FOXP1: variants seen among roughly 807,000 people sequenced by gnomAD.
FOXP1 encodes the protein forkhead box protein P1.
A neutral mutation model predicts 98.2 loss-of-function variants in FOXP1; 15 were observed. That is an observed-to-expected ratio of 0.15 (90% confidence interval 0.10 to 0.24). FOXP1 has a LOEUF of 0.24. Among genes scored for constraint, FOXP1 ranks in the 10% least tolerant of loss-of-function variants. The pLI is 1.00. For synonymous variants in FOXP1, 371 were observed against 314.5 expected (o/e 1.18, Z -1.90); for missense variants, 633 against 848.5 (o/e 0.75, Z 3.15).
intron 19 of FOXP1, among the ~76,000 whole-genome samples, chr3:70,966,635 A>T (rs1285948530): frequency 6.6e-6 from 1 of 152,118 alleles, no homozygotes; most frequent in Non-Finnish European, 1.5e-5. Context: ...GTGCAGTTTG[A>T]GATAACTGGT....
intron 2 of FOXP1, among the ~76,000 whole-genome samples, chr3:71,513,833 G>A (rs1055455156): frequency 6.6e-6 from 1 of 152,316 alleles, no homozygotes; most frequent in Non-Finnish European, 1.5e-5. Context: ...CCTAATAGCT[G>A]CTGAAATGAC....
chr3:71,262,642 T>C (rs897893021), intron 5 of FOXP1, among the ~76,000 whole-genome samples: 5 of 152,090 alleles, frequency 3.3e-5, no homozygotes, highest in Non-Finnish European at 5.9e-5. Flanking sequence ...ATTCCCCTCA[T>C]TGAGTGAGGG....
chr3:71,063,069 T>A (rs1235303288), intron 7 of FOXP1, among the ~76,000 whole-genome samples: 1 of 152,218 alleles, frequency 6.6e-6, no homozygotes, highest in African/African-American at 2.4e-5. Flanking sequence ...TAATGAACAA[T>A]AAATCAACTT....
At chr3:71,123,082 T>C (rs1208529473) in intron 6 of FOXP1, among the ~76,000 whole-genome samples, 1 of 152,180 alleles carries the variant, frequency 6.6e-6, no homozygotes. Flanking sequence ...GCCATAACCA[T>C]ATCCACAAGT....
chr3:71,234,507 C>T (rs995361534), intron 5 of FOXP1, among the ~76,000 whole-genome samples: 3 of 152,142 alleles, frequency 2.0e-5, no homozygotes, highest in Admixed American at 1.3e-4. Flanking sequence ...CAAGTTGCAC[C>T]GCCTACAGAA....
intron 3 of FOXP1, among the ~76,000 whole-genome samples, chr3:71,421,877 G>A (rs1044887478): frequency 6.6e-6 from 1 of 152,306 alleles, no homozygotes; most frequent in Non-Finnish European, 1.5e-5. Flanking sequence ...AGCTGCCTCT[G>A]AACTGCTGAT....
intron 2 of FOXP1, among the ~76,000 whole-genome samples, chr3:71,517,074 G>A (rs1483210457): frequency 1.3e-5 from 2 of 152,136 alleles, no homozygotes; most frequent in Non-Finnish European, 2.9e-5. Context: ...AGCCACATTA[G>A]TTGGTCCTGA....
chr3:71,377,581 C>G (rs2079817603), intron 3 of FOXP1, among the ~76,000 whole-genome samples: 1 of 152,134 alleles, frequency 6.6e-6, no homozygotes, highest in Non-Finnish European at 1.5e-5. Context: ...TCCTAAGTAG[C>G]TAAACCAGAA....
chr3:71,546,888 AG>A (rs2045404142), intron 2 of FOXP1, among the ~76,000 whole-genome samples: 1 of 152,198 alleles, frequency 6.6e-6, no homozygotes, highest in Non-Finnish European at 1.5e-5. Flanking sequence ...ATAAAACTGA[AG>A]GGTCAATTTT....
chr3:71,132,542 T>C (rs2059623824), intron 6 of FOXP1, among the ~76,000 whole-genome samples: 1 of 152,214 alleles, frequency 6.6e-6, no homozygotes, highest in African/African-American at 2.4e-5. Flanking sequence ...ACACTGAATG[T>C]GAACAGGCAG....
intron 5 of FOXP1, among the ~76,000 whole-genome samples, chr3:71,232,881 A>AAAAAAAAAAAAAAAAAAAAG (rs2066427353): frequency 6.9e-6 from 1 of 144,490 alleles, no homozygotes; most frequent in Non-Finnish European, 1.5e-5. Flanking sequence ...CTGTCTCAAA[A>AAAAAAAAAAAAAAAAAAAAG]AAAAAAAAAA....
At chr3:71,409,777 G>T (rs2082597964) in intron 3 of FOXP1, among the ~76,000 whole-genome samples, 1 of 152,170 alleles carries the variant, frequency 6.6e-6, no homozygotes, top group Admixed American at 6.5e-5. Flanking sequence ...ACTTTGGGAG[G>T]CTGAGGCAGG....
chr3:71,416,753 C>T (rs1475262041), intron 3 of FOXP1, among the ~76,000 whole-genome samples: 1 of 151,740 alleles, frequency 6.6e-6, no homozygotes, highest in African/African-American at 2.4e-5. Flanking sequence ...ATGCAAAGAC[C>T]CCGTGGTACC....
At chr3:71,132,525 T>A (rs572368281) in intron 6 of FOXP1, among the ~76,000 whole-genome samples, 1 of 152,274 alleles carries the variant, frequency 6.6e-6, no homozygotes, top group East Asian at 1.9e-4. Flanking sequence ...AAGCTGTTTG[T>A]TAACAAACAC....
chr3:71,477,622 T>G (rs2089958689), intron 3 of FOXP1, among the ~76,000 whole-genome samples: 1 of 152,218 alleles, frequency 6.6e-6, no homozygotes, highest in South Asian at 2.1e-4. Flanking sequence ...TTGATTTCTA[T>G]TTCTCTTATG....
At chr3:71,024,246 T>C (rs923867263) in intron 11 of FOXP1, among the ~76,000 whole-genome samples, 2 of 152,200 alleles carry the variant, frequency 1.3e-5, no homozygotes, top group Admixed American at 1.3e-4. Context: ...AAAAATGACC[T>C]TTCTCCTTCA....
intron 7 of FOXP1, among the ~76,000 whole-genome samples, chr3:71,057,460 A>G (rs2050836564): frequency 6.7e-6 from 1 of 149,454 alleles, no homozygotes; most frequent in Admixed American, 6.7e-5. Context: ...AGACGATTTA[A>G]ATATAAGGCA....
intron 7 of FOXP1, among the ~76,000 whole-genome samples, chr3:71,054,966 T>C (rs1315749271): frequency 6.6e-6 from 1 of 151,876 alleles, no homozygotes; most frequent in Non-Finnish European, 1.5e-5. Flanking sequence ...TTTGCCTGTG[T>C]GCTACTTAAA....
chr3:71,310,167 T>C (rs777886947), intron 4 of FOXP1, among the ~76,000 whole-genome samples: 1 of 152,228 alleles, frequency 6.6e-6, no homozygotes, highest in Non-Finnish European at 1.5e-5. Context: ...TCCCGTGTGC[T>C]AGCAGGACTT....
Sources: allele counts gnomAD v4.1 joint callset (sites outside exome capture counted in the v4.1 genomes callset), GRCh38; gene constraint gnomAD v4.1.1; transcripts MANE v1.5; gene names NCBI Gene and HGNC (gene_info 2026-07-23, HGNC 2026-07-21).